The following PTPN7 variants were observed in gnomAD, a reference collection of about 807,000 sequenced individuals.
PTPN7 encodes the protein tyrosine-protein phosphatase non-receptor type 7.
PTPN7 carries 33 observed loss-of-function variants against 50.3 expected under a neutral mutation model. The ratio of observed to expected loss-of-function variants is 0.66; its 90% CI spans 0.50 to 0.88. PTPN7 has a LOEUF of 0.88. Ranked by LOEUF, PTPN7 falls within the 40% of genes least tolerant of loss-of-function variation. The probability of loss-of-function intolerance (pLI) is 0.00; values close to 1 mark genes in which losing one functional copy is unlikely to be tolerated. For synonymous variants in PTPN7, 185 were observed against 186.6 expected (o/e 0.99, Z 0.07); for missense variants, 412 against 475.4 (o/e 0.87, Z 1.24).
In PTPN7 at chr1:202,160,496, C is replaced by T. The variant is rs1358696995; in HGVS notation, c.-53+49G>A. ...GATGCCCTCTTATATCCCCGGAGTT[C>T]GCACCCCCCGGGGCCACAGGACTCC... On this transcript the variant is annotated intron_variant, in intron 1 of 9. Transcript: ENST00000691036. The surrounding 1 kb of genome is among the most constrained non-coding windows in gnomAD (Gnocchi z 4.8). 14 of 1,500,968 alleles carry T rather than the reference C, an allele frequency of 9.3e-6. No individual in the cohort carries two copies. Among genetic ancestry groups the T allele is most frequent in the East Asian group, 5.0e-5 (2 of 40,366 alleles). The allele number at this position is 1,500,968 out of a possible 1,614,324, so 93.0% of individuals were successfully genotyped here.
Position 202,159,457 on chromosome 1 carries a change from G to A in PTPN7, c.-52-3C>T, listed in dbSNP as rs761596129. ...GCTCACTCAGCCATGAGGTCTGCCT[G>A]AAAGACAGGGCCCTCCGCTGCTGTT... On this transcript the variant is annotated splice_polypyrimidine_tract_variant and splice_region_variant and intron_variant, in intron 1 of 9. Transcript: ENST00000691036. This position sits in a 1 kb window ranked among gnomAD's most constrained non-coding sequence, Gnocchi z 4.6. 6.2e-7 allele frequency: 1 copy of A among 1,610,830 alleles called. No homozygotes were observed. Among genetic ancestry groups the A allele is most frequent in the Non-Finnish European group, 8.5e-7 (1 of 1,177,488 alleles).
At position 202,160,486 on chromosome 1, in the gene PTPN7, C is replaced by A; in HGVS notation, c.-53+59G>T. On this transcript the variant is annotated intron_variant, in intron 1 of 9. Transcript: ENST00000691036. This position sits in a 1 kb window ranked among gnomAD's most constrained non-coding sequence, Gnocchi z 4.8. ...CCCTCCTAGAGATGCCCTCTTATAT[C>A]CCCGGAGTTCGCACCCCCCGGGGCC... 1.4e-6 allele frequency: 2 copies of A among 1,480,476 alleles called. No individual in the cohort carries two copies. Among genetic ancestry groups the A allele is most frequent in the Non-Finnish European group, 9.1e-7 (1 of 1,095,454 alleles). The allele number at this position is 1,480,476 out of a possible 1,614,324, so 91.7% of individuals were successfully genotyped here.
In PTPN7 at chr1:202,153,830, A is replaced by G. The variant is rs1656330393; in HGVS notation, c.612T>C (p.Cys204=). 6.2e-7 allele frequency: 1 copy of G among 1,612,990 alleles called. No individual in the cohort carries two copies. The highest frequency in any genetic ancestry group is 1.3e-5 in the African/African-American group (1 of 75,008). ...LTQLREGKEK[C]VHYWPTEEET... ...CCTCTTCTGTGGGCCAGTAGTGGAC[A>G]CATTTCTAGGAGGGAGGGAGCTGGG... Residue 204 remains cysteine, a synonymous_variant, in exon 7 of 10, where the codon TGT becomes TGC. Coordinates refer to ENST00000691036, the MANE Select transcript of PTPN7 (RefSeq NM_002832.4).
In PTPN7 at chr1:202,158,255, C is replaced by T. The variant is rs772576763; in HGVS notation, c.169G>A (p.Ala57Thr). ...TTCACAGAGCAGATGGGTTCTACGG[C>T]CCCCAGGGACCGAACGTCCAGCATC... is the stretch of plus-strand genomic sequence containing the variant. ...ALMLDVRSLG[A>T]VEPICSVNTP... Residue 57 changes from alanine to threonine, a missense_variant, in exon 3 of 10, where the codon GCC (alanine) becomes ACC (threonine). Coordinates refer to ENST00000691036, the MANE Select transcript of PTPN7 (RefSeq NM_002832.4). 15 of 1,613,998 alleles carry T rather than the reference C, an allele frequency of 9.3e-6. No homozygotes were observed. Among genetic ancestry groups the T allele is most frequent in the Non-Finnish European group, 1.3e-5 (15 of 1,179,950 alleles).
At chr1:202,156,438 C>G (rs1360298061) in intron 4 of PTPN7, among the ~76,000 whole-genome samples, 1 of 152,184 alleles carries the variant, frequency 6.6e-6, no homozygotes, top group Non-Finnish European at 1.5e-5. Flanking sequence ...ACTCAGATTC[C>G]GCTCAGCCAC....
At position 202,158,098 on chromosome 1, in the gene PTPN7, A is replaced by G. The variant is rs745751450; in HGVS notation, c.306+20T>C. On this transcript the variant is annotated intron_variant, in intron 3 of 9. Transcript: ENST00000691036. Reference sequence around the variant, plus strand: ...TGATACAGAGGGCAGAGCGATTCAGAGGGGACCCCAATTTCTTACCAAGAA... The same window carrying G: ...TGATACAGAGGGCAGAGCGATTCAGGGGGGACCCCAATTTCTTACCAAGAA... The G allele has an allele frequency of 7.6e-6, 12 of 1,571,912 alleles. No homozygotes were observed. Among genetic ancestry groups the G allele is most frequent in the Non-Finnish European group, 9.5e-6 (11 of 1,160,174 alleles).
chr1:202,153,920 A>G (rs1656341027), intron 6 of PTPN7, 85 bp from the exon 7 acceptor site: 5 of 1,171,074 alleles, frequency 4.3e-6, no homozygotes, highest in East Asian at 4.7e-5. Flanking sequence ...TCTCCTCCCC[A>G]TCCTCCACCC....
At chr1:202,160,809 C>G (rs1467017482), upstream of PTPN7, 9 of 1,538,568 alleles carry the variant, frequency 5.8e-6, no homozygotes, top group Admixed American at 1.8e-4. This position sits in a 1 kb window ranked among gnomAD's most constrained non-coding sequence, Gnocchi z 4.8. Context: ...CCCGACCATC[C>G]TGCTTTCCCC....
Position 202,159,314 on chromosome 1 carries a change from G to A in PTPN7, c.89C>T (p.Thr30Met), listed in dbSNP as rs767756746. ...CAGTCGCACATGCTTCTTGGCTGGCGTTTTTTCAGGCGGAGGCTGGGTCAT... is the reference window on the plus strand; with the variant it reads ...CAGTCGCACATGCTTCTTGGCTGGCATTTTTTCAGGCGGAGGCTGGGTCAT... The part of the protein sequence containing the change: ...AAMTQPPPEK[T>M]PAKKHVRLQE... The change falls in exon 2 of 10, where the codon ACG (threonine) becomes ATG (methionine). Residue 30 changes from threonine to methionine, a missense_variant. Coordinates refer to ENST00000691036, the MANE Select transcript of PTPN7 (RefSeq NM_002832.4). The surrounding 1 kb of genome is among the most constrained non-coding windows in gnomAD (Gnocchi z 4.6). The A allele has an allele frequency of 3.1e-6, 5 of 1,614,178 alleles. No homozygotes were observed. The highest frequency in any genetic ancestry group is 2.2e-5 in the East Asian group (1 of 44,872).
chr1:202,152,659 G>A lies in PTPN7; in HGVS notation c.758C>T (p.Ser253Leu), dbSNP rs759987591. ...ERRSVKHILF[S>L]AWPDHQTPES... is the part of the protein sequence containing the mutation. ...TGGTGTCTGATGGTCTGGCCAGGCC[G>A]AAAAGAGGATGTGCTTTACTGACCG... Residue 253 changes from serine to leucine, a missense_variant, in exon 8 of 10, where the codon TCG becomes TTG. Physicochemically the swap from Ser to Leu is moderately radical, Grantham distance 145 (BLOSUM62 -2). Coordinates refer to ENST00000691036, the MANE Select transcript of PTPN7 (RefSeq NM_002832.4). The A allele has an allele frequency of 1.4e-5, 22 of 1,613,948 alleles. No homozygotes were observed. Among genetic ancestry groups the A allele is most frequent in the African/African-American group, 2.7e-5 (2 of 74,916 alleles).
chr1:202,157,466 G>A (rs1216301597), intron 4 of PTPN7, among the ~76,000 whole-genome samples: 1 of 151,406 alleles, frequency 6.6e-6, no homozygotes, highest in African/African-American at 2.4e-5. Flanking sequence ...CCCAGATTGC[G>A]CCATTGCACT....
In PTPN7 at chr1:202,159,206, G is replaced by A. The variant is rs1657040347; in HGVS notation, c.122+75C>T. The A allele has an allele frequency of 2.1e-6, 3 of 1,452,810 alleles. No homozygotes were observed. The highest frequency in any genetic ancestry group is 2.3e-5 in the East Asian group (1 of 44,002). 90.0% of individuals were successfully genotyped at this position (1,452,810 alleles called of 1,614,324 possible). On this transcript the variant is annotated intron_variant, in intron 2 of 9. Transcript: ENST00000691036. The surrounding 1 kb of genome is among the most constrained non-coding windows in gnomAD (Gnocchi z 4.6). ...CTGGACCCTGCTGTCAGAGCTGGAGGGGCAGATGGAAGGAAGGGAGGAGCG... is the reference window on the plus strand; with the variant it reads ...CTGGACCCTGCTGTCAGAGCTGGAGAGGCAGATGGAAGGAAGGGAGGAGCG...
rs1450039451 is a variant in PTPN7 at position 202,150,307 on chromosome 1, C to T, written c.989+4G>A. On this transcript the variant is annotated splice_donor_region_variant and intron_variant, in intron 9 of 9. Coordinates refer to ENST00000691036, the MANE Select transcript of PTPN7 (RefSeq NM_002832.4). ...GTTGGCCTTGTTTACACCCACAGAC[C>T]CACCTGTCTAGCCGCAGTTGGCACA... The T allele has an allele frequency of 1.9e-6, 3 of 1,606,504 alleles. No homozygotes were observed. The highest frequency in any genetic ancestry group is 2.6e-6 in the Non-Finnish European group (3 of 1,175,646).
chr1:202,160,972 C>A (rs1657319965), upstream of PTPN7: 3 of 1,425,524 alleles, frequency 2.1e-6, no homozygotes, highest in East Asian at 2.5e-5. This position sits in a 1 kb window ranked among gnomAD's most constrained non-coding sequence, Gnocchi z 4.8. Context: ...TGACCTTGGC[C>A]GGAGGCTTAT....
In PTPN7 at chr1:202,159,817, A is replaced by G. The variant is rs1168533328; in HGVS notation, c.-52-363T>C. 3 of 1,140,656 alleles carry G rather than the reference A, an allele frequency of 2.6e-6. No individual in the cohort carries two copies. The highest frequency in any genetic ancestry group is 3.2e-6 in the Non-Finnish European group (3 of 927,764). 70.7% of individuals were successfully genotyped at this position (1,140,656 alleles called of 1,614,324 possible). A position where few individuals can be genotyped will look rare whatever the true frequency, so the allele number is the denominator to read the frequency against. ...AGAAAATATGTGTTCTCTAGGACGG[A>G]AGGGAGAAAGCACGCAGAAGCCATC... On this transcript the variant is annotated intron_variant, in intron 1 of 9. Coordinates refer to ENST00000691036, the MANE Select transcript of PTPN7 (RefSeq NM_002832.4). This position sits in a 1 kb window ranked among gnomAD's most constrained non-coding sequence, Gnocchi z 4.6.
Position 202,159,472 on chromosome 1 carries a change from C to G in PTPN7, c.-52-18G>C. 1 of 1,607,284 alleles carries G rather than the reference C, an allele frequency of 6.2e-7. No homozygotes were observed. The highest frequency in any genetic ancestry group is 8.5e-7 in the Non-Finnish European group (1 of 1,174,746). On this transcript the variant is annotated intron_variant, in intron 1 of 9. Transcript: ENST00000691036. The surrounding 1 kb of genome is among the most constrained non-coding windows in gnomAD (Gnocchi z 4.6). ...AGGTCTGCCTGAAAGACAGGGCCCT[C>G]CGCTGCTGTTCTCTGGCCTGCCTGA...
upstream of PTPN7, chr1:202,160,949 C>G (rs1050394994): frequency 4.9e-6 from 7 of 1,429,708 alleles, no homozygotes; most frequent in Non-Finnish European, 4.6e-6. This position sits in a 1 kb window ranked among gnomAD's most constrained non-coding sequence, Gnocchi z 4.8. Flanking sequence ...ACCCAAGGCT[C>G]TCCTGCTCAA....
intron 8 of PTPN7, among the ~76,000 whole-genome samples, chr1:202,151,213 T>C (rs1168234609): frequency 1.3e-5 from 2 of 152,194 alleles, no homozygotes; most frequent in Non-Finnish European, 2.9e-5. Flanking sequence ...TCATCTGACC[T>C]TCACTGGCCT....
At chr1:202,149,835 T>TTG (rs1655738597) in intron 9 of PTPN7, 1 of 144,654 alleles carries the variant, frequency 6.9e-6, no homozygotes. Flanking sequence ...TTTTGTTTTT[T>TTG]TTTTTTTTTT....
Sources: allele counts gnomAD v4.1 joint callset (sites outside exome capture counted in the v4.1 genomes callset), GRCh38; gene constraint gnomAD v4.1.1; non-coding constraint Gnocchi (gnomAD v3.1); transcripts MANE v1.5; gene names NCBI Gene and HGNC (gene_info 2026-07-23, HGNC 2026-07-21).